SAXO1: variants seen among roughly 807,000 people sequenced by gnomAD.
The protein encoded by SAXO1 is stabilizer of axonemal microtubules 1, also known as 4930500O09Rik.
SAXO1 carries 21 observed loss-of-function variants against 17.5 expected under a neutral mutation model. That is an observed-to-expected ratio of 1.20 (90% CI 0.85 to 1.72). SAXO1 has a LOEUF of 1.72. SAXO1 is among the 40% of genes most tolerant of loss of function. SAXO1 has a pLI of 0.00. For synonymous variants in SAXO1, 274 were observed against 216.5 expected (o/e 1.27, Z -2.33); for missense variants, 843 against 596.0 (o/e 1.41, Z -4.32).
intron 3 of SAXO1, among the ~76,000 whole-genome samples, chr9:18,933,815 G>C (rs188824412): frequency 6.6e-6 from 1 of 152,328 alleles, no homozygotes; most frequent in Non-Finnish European, 1.5e-5. Flanking sequence ...GGGAGGCCAA[G>C]GTGGGCTGAT....
chr9:18,977,396 A>G (rs1253613330), intron 1 of SAXO1, among the ~76,000 whole-genome samples: 1 of 152,098 alleles, frequency 6.6e-6, no homozygotes, highest in Non-Finnish European at 1.5e-5. Flanking sequence ...TTATTAACTT[A>G]TTTCATCTTC....
chr9:19,032,232 G>C (rs1835802761), intron 1 of SAXO1, among the ~76,000 whole-genome samples: 1 of 152,162 alleles, frequency 6.6e-6, no homozygotes, highest in Non-Finnish European at 1.5e-5. Flanking sequence ...GCCTCTAAGA[G>C]ATCATGTGAG....
intron 1 of SAXO1, among the ~76,000 whole-genome samples, chr9:18,958,831 C>T (rs1421162808): frequency 6.7e-6 from 1 of 149,180 alleles, no homozygotes; most frequent in Non-Finnish European, 1.5e-5. Context: ...GGAACAACAA[C>T]GAAGCCATAA....
intron 1 of SAXO1, among the ~76,000 whole-genome samples, chr9:18,957,089 G>A (rs989480775): frequency 2.6e-5 from 4 of 152,184 alleles, no homozygotes; most frequent in African/African-American, 9.7e-5. Context: ...CCTAAGGGCA[G>A]CAATAAATAG....
chr9:18,984,696 T>C (rs1833527236), intron 1 of SAXO1, among the ~76,000 whole-genome samples: 1 of 152,206 alleles, frequency 6.6e-6, no homozygotes, highest in Admixed American at 6.5e-5. Flanking sequence ...CTTAAGGGAA[T>C]GTTGTGGCTG....
intron 1 of SAXO1, among the ~76,000 whole-genome samples, chr9:19,026,225 T>G (rs1303104786): frequency 1.3e-5 from 2 of 152,162 alleles, no homozygotes; most frequent in Admixed American, 1.3e-4. Context: ...CCCAGAAATA[T>G]GTACAATCAT....
At position 19,027,197 on chromosome 9, in the gene SAXO1, G is replaced by A. The variant is rs567558358; in HGVS notation, c.38+5674C>T. The A allele has an allele frequency of 1.2e-5, 14 of 1,182,144 alleles. No homozygotes were observed. The African/African-American group carries it at 1.9e-4, about 16-fold the overall frequency. 73.2% of individuals were successfully genotyped at this position (1,182,144 alleles called of 1,614,324 possible). A position where few individuals can be genotyped will look rare whatever the true frequency, so the allele number is the denominator to read the frequency against. On this transcript the variant is annotated intron_variant, in intron 1 of 3. Coordinates refer to ENST00000380534, the MANE Select transcript of SAXO1 (RefSeq NM_153707.4). Reference sequence around the variant, plus strand: ...ATATTGACCTGGACTCCCAGAGGAAGGACAAGTGTGCTGTGATCAAAACCT... The same window carrying A: ...ATATTGACCTGGACTCCCAGAGGAAAGACAAGTGTGCTGTGATCAAAACCT...
intron 1 of SAXO1, among the ~76,000 whole-genome samples, chr9:18,951,960 CTT>C (rs2131731820): frequency 6.6e-6 from 1 of 152,232 alleles, no homozygotes; most frequent in African/African-American, 2.4e-5. Flanking sequence ...ATTAAATAAA[CTT>C]TATACCTAGT....
intron 2 of SAXO1, chr9:18,947,884 C>T (rs565855430): frequency 6.6e-6 from 1 of 152,208 alleles, no homozygotes; most frequent in Non-Finnish European, 1.5e-5. Flanking sequence ...GGGATGATAA[C>T]CTTTCCAGAA....
chr9:19,008,845 C>A (rs75044005), intron 1 of SAXO1, among the ~76,000 whole-genome samples: 34 of 152,266 alleles, frequency 2.2e-4, no homozygotes, highest in South Asian at 1.0e-3. Flanking sequence ...CTGTGTCTGG[C>A]AAACATACCT....
At chr9:18,972,902 C>T (rs1289633220) in intron 1 of SAXO1, among the ~76,000 whole-genome samples, 1 of 152,164 alleles carries the variant, frequency 6.6e-6, no homozygotes, top group Non-Finnish European at 1.5e-5. Flanking sequence ...AGGCAAAGTC[C>T]ATTCACAGAA....
intron 3 of SAXO1, among the ~76,000 whole-genome samples, chr9:18,934,138 T>C (rs1164336359): frequency 6.6e-6 from 1 of 152,208 alleles, no homozygotes; most frequent in East Asian, 1.9e-4. Flanking sequence ...GTTTTTGGCT[T>C]TCAACAATTT....
chr9:19,042,070 T>C (rs1836091786), intron 1 of SAXO1, among the ~76,000 whole-genome samples: 1 of 151,324 alleles, frequency 6.6e-6, no homozygotes, highest in South Asian at 2.1e-4. Context: ...TCAGAATATA[T>C]AAGGAGCTCA....
intron 1 of SAXO1, among the ~76,000 whole-genome samples, chr9:18,977,906 G>A (rs982848327): frequency 1.4e-5 from 2 of 147,858 alleles, no homozygotes; most frequent in African/African-American, 5.0e-5. Flanking sequence ...TGAGGTGGGA[G>A]AATCACTTGA....
At chr9:18,990,087 A>C (rs773620054) in intron 1 of SAXO1, among the ~76,000 whole-genome samples, 2 of 152,166 alleles carry the variant, frequency 1.3e-5, no homozygotes, top group South Asian at 4.1e-4. Context: ...CCAATGCCAC[A>C]TAGGTACGCT....
chr9:19,028,082 G>T, intron 1 of SAXO1: 7 of 1,611,972 alleles, frequency 4.3e-6, no homozygotes, highest in Non-Finnish European at 5.9e-6. Context: ...TACATGGAAG[G>T]CATCCTGGAG....
intron 1 of SAXO1, among the ~76,000 whole-genome samples, chr9:19,016,058 C>A (rs149304151): frequency 2.0e-5 from 3 of 152,178 alleles, no homozygotes; most frequent in Non-Finnish European, 4.4e-5. Context: ...GGGAAGGGCA[C>A]CATCATGAGA....
intron 1 of SAXO1, among the ~76,000 whole-genome samples, chr9:19,000,748 C>T (rs1022689797): frequency 3.9e-5 from 6 of 151,952 alleles, no homozygotes; most frequent in Non-Finnish European, 7.4e-5. Flanking sequence ...GGAAGATCTA[C>T]CAAGCAAATG....
chr9:18,991,557 G>T (rs1833813445), intron 1 of SAXO1, among the ~76,000 whole-genome samples: 1 of 152,026 alleles, frequency 6.6e-6, no homozygotes, highest in African/African-American at 2.4e-5. Flanking sequence ...CACACCCTGG[G>T]GCTTGTCGCG....
Sources: allele counts gnomAD v4.1 joint callset (sites outside exome capture counted in the v4.1 genomes callset), GRCh38; gene constraint gnomAD v4.1.1; transcripts MANE v1.5; gene names NCBI Gene and HGNC (gene_info 2026-07-23, HGNC 2026-07-21).